Variants in SLC24A4 observed in about 807,000 individuals in gnomAD.
The protein encoded by SLC24A4 is solute carrier family 24 member 4.
Under a neutral mutation model 79.0 loss-of-function variants are expected in SLC24A4, and 53 were observed. The ratio of observed to expected loss-of-function variants is 0.67; its 90% CI spans 0.54 to 0.84. SLC24A4 has a LOEUF of 0.84. Ranked by LOEUF, SLC24A4 falls within the 40% of genes least tolerant of loss-of-function variation. The pLI is 0.00. For missense variants in SLC24A4, 731 were observed against 822.0 expected (o/e 0.89, Z 1.35); for synonymous variants, 323 against 323.8 (o/e 1.00, Z 0.03).
intron 2 of SLC24A4, among the ~76,000 whole-genome samples, chr14:92,402,592 T>G (rs1306006390): frequency 6.6e-6 from 1 of 152,116 alleles, no homozygotes; most frequent in Non-Finnish European, 1.5e-5. Flanking sequence ...ACTGGGCAAT[T>G]TACAAAGAAA....
chr14:92,439,533 C>T (rs1892375123), intron 4 of SLC24A4, 124 bp downstream of exon 4: 12 of 861,668 alleles, frequency 1.4e-5, no homozygotes, highest in Non-Finnish European at 2.3e-5. Context: ...TCACACCGAG[C>T]ACTTAGTGTC....
intron 2 of SLC24A4, among the ~76,000 whole-genome samples, chr14:92,347,230 A>G (rs1227488082): frequency 6.6e-6 from 1 of 152,292 alleles, no homozygotes; most frequent in East Asian, 1.9e-4. Flanking sequence ...GTGTAATACA[A>G]TCTTGATCCC....
intron 2 of SLC24A4, among the ~76,000 whole-genome samples, chr14:92,342,935 T>A (rs1486690373): frequency 6.6e-6 from 1 of 152,202 alleles, no homozygotes; most frequent in Non-Finnish European, 1.5e-5. Flanking sequence ...CCAGTCTGGA[T>A]CTGGGTGAGT....
chr14:92,333,542 C>T (rs564069766), intron 2 of SLC24A4, among the ~76,000 whole-genome samples: 1 of 152,132 alleles, frequency 6.6e-6, no homozygotes, highest in Non-Finnish European at 1.5e-5. Context: ...TTTAAGTCCT[C>T]CTTTAGAATT....
chr14:92,491,823 A>G, intron 15 of SLC24A4, 46 bp downstream of exon 15: 1 of 1,484,548 alleles, frequency 6.7e-7, no homozygotes, highest in East Asian at 2.3e-5. Flanking sequence ...CCAGAAGGCT[A>G]GTGGTGTTGG....
chr14:92,383,926 C>T (rs866122105), intron 2 of SLC24A4, among the ~76,000 whole-genome samples: 2 of 152,212 alleles, frequency 1.3e-5, no homozygotes, highest in African/African-American at 4.8e-5. Flanking sequence ...CCACACTCGC[C>T]GTGGCGGGAC....
At chr14:92,419,781 AG>A (rs1891178608) in intron 2 of SLC24A4, among the ~76,000 whole-genome samples, 1 of 152,234 alleles carries the variant, frequency 6.6e-6, no homozygotes, top group Non-Finnish European at 1.5e-5. Context: ...TCATGAATAA[AG>A]GGTCAATCAA....
At chr14:92,369,811 A>C (rs1888050067) in intron 2 of SLC24A4, among the ~76,000 whole-genome samples, 1 of 152,116 alleles carries the variant, frequency 6.6e-6, no homozygotes, top group African/African-American at 2.4e-5. Context: ...ACTCACCCCG[A>C]AGTCTCGAGT....
intron 2 of SLC24A4, among the ~76,000 whole-genome samples, chr14:92,423,657 G>A (rs1377035946): frequency 2.0e-5 from 3 of 152,180 alleles, no homozygotes; most frequent in Non-Finnish European, 4.4e-5. Context: ...TATTTACTCA[G>A]AGTTTACTAT....
chr14:92,391,891 G>T (rs1166246462), intron 2 of SLC24A4, among the ~76,000 whole-genome samples: 1 of 152,200 alleles, frequency 6.6e-6, no homozygotes, highest in Non-Finnish European at 1.5e-5. Context: ...GCCATGGTGG[G>T]CGTTCAGATG....
chr14:92,362,987 C>T (rs78940166), intron 2 of SLC24A4, among the ~76,000 whole-genome samples: 258 of 152,320 alleles, frequency 1.7e-3, no homozygotes, highest in African/African-American at 5.9e-3. Context: ...CCCGACTTCT[C>T]TCAGCTTGCC....
At chr14:92,342,131 C>G (rs76030827) in intron 2 of SLC24A4, among the ~76,000 whole-genome samples, 20,713 of 151,972 alleles carry the variant, frequency 0.14, 1,581 homozygotes, top group African/African-American at 0.21. Flanking sequence ...ATCACCAATA[C>G]CGAGAATCAC....
intron 12 of SLC24A4, 68 bp downstream of exon 12, chr14:92,456,676 C>G (rs34180624): frequency 6.6e-7 from 1 of 1,504,618 alleles, no homozygotes; most frequent in African/African-American, 1.4e-5. Flanking sequence ...AAGCCCAGGT[C>G]TTCAGGATGG....
At chr14:92,437,915 G>A (rs191769821) in intron 3 of SLC24A4, among the ~76,000 whole-genome samples, 9 of 152,152 alleles carry the variant, frequency 5.9e-5, no homozygotes, top group Non-Finnish European at 1.2e-4. Flanking sequence ...AAGAAGAGAT[G>A]CTTGAGAGAG....
intron 2 of SLC24A4, among the ~76,000 whole-genome samples, chr14:92,346,100 C>A (rs1314573264): frequency 1.3e-5 from 2 of 152,000 alleles, no homozygotes; most frequent in African/African-American, 4.8e-5. Flanking sequence ...AGCGCCGGGG[C>A]CCTGAGGAGG....
At chr14:92,366,395 C>G (rs371817454) in intron 2 of SLC24A4, among the ~76,000 whole-genome samples, 2 of 152,158 alleles carry the variant, frequency 1.3e-5, no homozygotes, top group African/African-American at 4.8e-5. Flanking sequence ...AGCTCTGGTC[C>G]CCGGCCAGAG....
chr14:92,323,574 C>T lies in SLC24A4; in HGVS notation c.-257C>T, dbSNP rs1451504419. The stretch of plus-strand genomic sequence containing the variant: ...CAGCGCCACCGTGCCGGCGTCGCCT[C>T]CTCGCCACGGAGCCATGGTGCGCGC... On this transcript the variant is annotated 5_prime_UTR_variant, in exon 1 of 17. Coordinates refer to ENST00000532405, the MANE Select transcript of SLC24A4 (RefSeq NM_153646.4). This position sits in a 1 kb window ranked among gnomAD's most constrained non-coding sequence, Gnocchi z 4.9. 1.6e-5 allele frequency: 5 copies of T among 304,478 alleles called. 1 individual carries two copies. Among genetic ancestry groups the T allele is most frequent in the Non-Finnish European group, 3.0e-5 (5 of 168,124 alleles). 18.9% of individuals were successfully genotyped at this position (304,478 alleles called of 1,614,324 possible).
At chr14:92,419,795 C>T (rs916021661) in intron 2 of SLC24A4, among the ~76,000 whole-genome samples, 2 of 152,174 alleles carry the variant, frequency 1.3e-5, no homozygotes, top group Admixed American at 1.3e-4. Flanking sequence ...TCAATCAAGT[C>T]AACACATAAT....
At chr14:92,336,151 C>G (rs1028410259) in intron 2 of SLC24A4, among the ~76,000 whole-genome samples, 1 of 152,150 alleles carries the variant, frequency 6.6e-6, no homozygotes, top group Admixed American at 6.5e-5. Context: ...CCTCTTGAAC[C>G]CTGAGGAACG....
Sources: gnomAD v4.1 joint callset for allele counts (sites outside exome capture counted in the v4.1 genomes callset) on GRCh38, gnomAD v4.1.1 for gene constraint, Gnocchi (gnomAD v3.1) non-coding constraint, MANE v1.5 for transcripts, NCBI Gene and HGNC (gene_info 2026-07-23, HGNC 2026-07-21) for gene names.